The following LNX2 variants were observed in gnomAD, a reference collection of about 807,000 sequenced individuals.
LNX2 encodes ligand of numb-protein X 2.
Under a neutral mutation model 66.2 loss-of-function variants are expected in LNX2, and 35 were observed. The observed-to-expected ratio is 0.53, with a 90% CI of 0.40 to 0.70. LNX2 has a LOEUF of 0.70. Ranked by LOEUF, LNX2 falls within the 30% of genes least tolerant of loss-of-function variation. The pLI, the probability that LNX2 is intolerant of heterozygous loss-of-function variation, is 0.00. For missense variants in LNX2, 791 were observed against 850.8 expected, an observed-to-expected ratio of 0.93 and a Z score of 0.87; for synonymous variants, 337 against 315.6, an observed-to-expected ratio of 1.07 and a Z score of -0.72.
At chr13:27,570,890 C>A (rs1955271134) in intron 2 of LNX2, among the ~76,000 whole-genome samples, 1 of 152,110 alleles carries the variant, frequency 6.6e-6, no homozygotes, top group Admixed American at 6.6e-5. Flanking sequence ...TAGCTAACAA[C>A]TCTACACCTT....
chr13:27,590,859 A>G (rs1316228239), intron 1 of LNX2, among the ~76,000 whole-genome samples: 1 of 152,220 alleles, frequency 6.6e-6, no homozygotes, highest in Non-Finnish European at 1.5e-5. Context: ...GATATAAGAA[A>G]TTTAAATGTT....
chr13:27,586,374 T>C (rs1955487319), intron 1 of LNX2, among the ~76,000 whole-genome samples: 1 of 152,176 alleles, frequency 6.6e-6, no homozygotes. Flanking sequence ...AAAGGCATCC[T>C]GACCTCACTT....
intron 4 of LNX2, 96 bp from the exon 5 acceptor site, chr13:27,562,877 G>T: frequency 1.6e-6 from 2 of 1,247,786 alleles, no homozygotes; most frequent in African/African-American, 1.5e-5. Context: ...ACTAAGTATT[G>T]TGAGAGTGCT....
At chr13:27,600,877 G>T (rs1302994676) in intron 1 of LNX2, among the ~76,000 whole-genome samples, 1 of 152,094 alleles carries the variant, frequency 6.6e-6, no homozygotes, top group Non-Finnish European at 1.5e-5. Flanking sequence ...GGCCAGACCT[G>T]GGTCACTTCT....
At chr13:27,551,014 T>G (rs538788978) in intron 8 of LNX2, among the ~76,000 whole-genome samples, 72 of 152,290 alleles carry the variant, frequency 4.7e-4, no homozygotes, top group African/African-American at 1.7e-3. Flanking sequence ...ACATGAGGAG[T>G]TATTTGTTAT....
At chr13:27,588,082 C>T (rs1774901448) in intron 1 of LNX2, among the ~76,000 whole-genome samples, 1 of 147,414 alleles carries the variant, frequency 6.8e-6, no homozygotes, top group African/African-American at 2.5e-5. Flanking sequence ...GACTTCAGAA[C>T]CCTTTTATCC....
At chr13:27,576,191 A>G (rs1955338391) in intron 2 of LNX2, among the ~76,000 whole-genome samples, 1 of 152,236 alleles carries the variant, frequency 6.6e-6, no homozygotes. Flanking sequence ...ATACGTAAGT[A>G]AAAAATGACA....
chr13:27,617,766 G>A (rs1955843187), intron 1 of LNX2, among the ~76,000 whole-genome samples: 1 of 152,034 alleles, frequency 6.6e-6, no homozygotes, highest in Non-Finnish European at 1.5e-5. Flanking sequence ...ACTGCATCAT[G>A]GATCTCTCAA....
chr13:27,556,458 A>G (rs1437354556), intron 6 of LNX2, 45 bp from the exon 7 acceptor site: 2 of 1,527,808 alleles, frequency 1.3e-6, no homozygotes, highest in Non-Finnish European at 1.8e-6. Context: ...AATAAAATAT[A>G]GTTGAAGTAA....
At chr13:27,553,111 T>A in intron 8 of LNX2, 97 bp downstream of exon 8, 1 of 1,012,054 alleles carries the variant, frequency 9.9e-7, no homozygotes, top group Non-Finnish European at 1.5e-6. Context: ...TAAAGCTTTT[T>A]TTTTTATCCC....
rs1239226653 is a variant in LNX2 at position 27,550,313 on chromosome 13, T to C, written c.1937+20A>G. The C allele has an allele frequency of 6.2e-7, 1 of 1,604,704 alleles. No individual in the cohort carries two copies. Among genetic ancestry groups the C allele is most frequent in the East Asian group, 2.2e-5 (1 of 44,754 alleles). On this transcript the variant is annotated intron_variant, in intron 9 of 9. Coordinates refer to ENST00000316334, the MANE Select transcript of LNX2 (RefSeq NM_153371.4). ...AATGTCATCAACATGAATCACATCA[T>C]TAATTAGAACAAGACTCACTTTAAT...
At chr13:27,601,637 A>G (rs769587222) in intron 1 of LNX2, among the ~76,000 whole-genome samples, 3 of 152,224 alleles carry the variant, frequency 2.0e-5, no homozygotes, top group Non-Finnish European at 4.4e-5. Flanking sequence ...TATATCATGC[A>G]TGAACAGACA....
intron 2 of LNX2, 96 bp from the exon 3 acceptor site, chr13:27,569,372 C>A: frequency 1.5e-6 from 2 of 1,351,116 alleles, no homozygotes; most frequent in Non-Finnish European, 2.0e-6. Flanking sequence ...ACAAACAGAA[C>A]CAGAAGCTAG....
chr13:27,550,197 A>C (rs925668636), intron 9 of LNX2, 136 bp downstream of exon 9: 1 of 663,502 alleles, frequency 1.5e-6, no homozygotes, highest in African/African-American at 1.8e-5. Flanking sequence ...TAAACCAGTA[A>C]GTGTAGCTGC....
At chr13:27,552,823 G>A (rs533304643) in intron 8 of LNX2, among the ~76,000 whole-genome samples, 160 of 152,342 alleles carry the variant, frequency 1.1e-3, no homozygotes, top group African/African-American at 3.7e-3. Flanking sequence ...TTAAAAAGGT[G>A]TTAAGAAAGG....
At chr13:27,568,964 G>A in intron 3 of LNX2, 65 bp downstream of exon 3, 1 of 1,465,696 alleles carries the variant, frequency 6.8e-7, no homozygotes, top group Non-Finnish European at 9.1e-7. Flanking sequence ...AAAAGTACAT[G>A]TTGGGCAAGT....
At chr13:27,584,148 T>C (rs933232111) in intron 1 of LNX2, among the ~76,000 whole-genome samples, 3 of 151,968 alleles carry the variant, frequency 2.0e-5, no homozygotes, top group African/African-American at 7.3e-5. Flanking sequence ...ACCTTAAGAG[T>C]AGGATACCAT....
In LNX2 at chr13:27,583,303, C is replaced by T. The variant is rs149859331; in HGVS notation, c.-100-1500G>A. On this transcript the variant is annotated intron_variant, in intron 1 of 9. Coordinates refer to ENST00000316334, the MANE Select transcript of LNX2 (RefSeq NM_153371.4). ...TTATTTTTAAGTTCGATCTGTTGCC[C>T]GGCTGGAGTACAGCGGCGTACTTGG... 1.3e-4 allele frequency among the ~76,000 whole-genome samples: 18 copies of T among 143,984 alleles called. 2 individuals carry two copies. The highest frequency in any genetic ancestry group is 4.6e-4 in the African/African-American group (18 of 38,772). The allele number at this position is 143,984 out of a possible 152,430, so 94.5% of individuals were successfully genotyped here. A position where few individuals can be genotyped will look rare whatever the true frequency, so the allele number is the denominator to read the frequency against.
chr13:27,594,003 G>C (rs1192831165), intron 1 of LNX2, among the ~76,000 whole-genome samples: 1 of 151,814 alleles, frequency 6.6e-6, no homozygotes, highest in East Asian at 1.9e-4. Context: ...TCAAACTGTT[G>C]GACCAAAGTG....
Sources: gnomAD v4.1 joint callset for allele counts (sites outside exome capture counted in the v4.1 genomes callset) on GRCh38, gnomAD v4.1.1 for gene constraint, MANE v1.5 for transcripts, NCBI Gene and HGNC (gene_info 2026-07-23, HGNC 2026-07-21) for gene names.